The following ZFAND6 variants were observed in gnomAD, a reference collection of about 807,000 sequenced individuals.
The protein encoded by ZFAND6 is zinc finger AN1-type containing 6.
In ZFAND6, 12 loss-of-function variants were observed where a neutral mutation model predicts 24.5. The ratio of observed to expected loss-of-function variants is 0.49; its 90% CI spans 0.31 to 0.79. The LOEUF is 0.79. ZFAND6 is among the 30% of genes least tolerant of loss of function. The pLI is 0.04. For missense variants in ZFAND6, 207 were observed against 245.9 expected, an observed-to-expected ratio of 0.84 and a Z score of 1.06; for synonymous variants, 92 against 81.5, an observed-to-expected ratio of 1.13 and a Z score of -0.69.
chr15:80,113,706 A>G (rs879786215), intron 2 of ZFAND6, among the ~76,000 whole-genome samples: 1 of 152,136 alleles, frequency 6.6e-6, no homozygotes, highest in African/African-American at 2.4e-5. Context: ...TGTTTACTCA[A>G]CAAAATATTT....
At chr15:80,125,629 A>C (rs1324975433) in intron 5 of ZFAND6, among the ~76,000 whole-genome samples, 1 of 152,240 alleles carries the variant, frequency 6.6e-6, no homozygotes, top group Admixed American at 6.5e-5. Flanking sequence ...CCTTACTTAC[A>C]TAGTGTCACT....
chr15:80,103,997 C>T (rs1198040243), intron 2 of ZFAND6, among the ~76,000 whole-genome samples: 5 of 152,118 alleles, frequency 3.3e-5, no homozygotes, highest in African/African-American at 7.2e-5. Flanking sequence ...CACAGCTGTG[C>T]ACCACCACAC....
chr15:80,117,878 A>T (rs1023671712), intron 2 of ZFAND6, among the ~76,000 whole-genome samples: 2 of 152,066 alleles, frequency 1.3e-5, no homozygotes, highest in African/African-American at 4.8e-5. Context: ...GCATTTGTCC[A>T]TATGGTGAAA....
At chr15:80,094,773 T>C (rs940434900) in intron 1 of ZFAND6, among the ~76,000 whole-genome samples, 13 of 152,058 alleles carry the variant, frequency 8.5e-5, no homozygotes, top group African/African-American at 2.7e-4. Flanking sequence ...TTACTAGTTT[T>C]CCCATTAATG....
Position 80,102,199 on chromosome 15 carries a change from G to A in ZFAND6, c.-18+3621G>A, listed in dbSNP as rs146628090. On this transcript the variant is annotated intron_variant, in intron 2 of 6. Coordinates refer to ENST00000261749, the MANE Select transcript of ZFAND6 (RefSeq NM_019006.4). ...AGTTTCACTCTTGTTGCCGAGGCTG[G>A]AGTGCAGTGGCATGATTCTCCTGCC... is the stretch of plus-strand genomic sequence containing the variant. 2.6e-3 allele frequency among the ~76,000 whole-genome samples: 394 copies of A among 151,888 alleles called. 3 individuals are homozygous for A. The highest frequency in any genetic ancestry group is 8.9e-3 in the African/African-American group (367 of 41,450).
chr15:80,115,670 G>A (rs1313194116), intron 2 of ZFAND6, among the ~76,000 whole-genome samples: 1 of 151,700 alleles, frequency 6.6e-6, no homozygotes, highest in Non-Finnish European at 1.5e-5. Context: ...ATGGCCTAAC[G>A]ATTAATAAAT....
At chr15:80,121,537 A>G (rs2040145487) in intron 3 of ZFAND6, among the ~76,000 whole-genome samples, 175 bp from the exon 4 acceptor site, 1 of 152,188 alleles carries the variant, frequency 6.6e-6, no homozygotes, top group Non-Finnish European at 1.5e-5. Flanking sequence ...AAATTAACAT[A>G]TTTTTCACTG....
intron 1 of ZFAND6, among the ~76,000 whole-genome samples, chr15:80,092,190 GA>G (rs893045827): frequency 7.4e-5 from 11 of 148,774 alleles, no homozygotes; most frequent in East Asian, 2.0e-4. Flanking sequence ...TGGTGGTTGG[GA>G]AAAAAAAAAT....
chr15:80,128,452 G>T (rs1407177993), intron 5 of ZFAND6, among the ~76,000 whole-genome samples: 1 of 152,180 alleles, frequency 6.6e-6, no homozygotes, highest in Non-Finnish European at 1.5e-5. Context: ...GAAGTGATCA[G>T]TTCAGGCAGT....
At chr15:80,117,057 CT>C (rs2039908446) in intron 2 of ZFAND6, among the ~76,000 whole-genome samples, 1 of 152,180 alleles carries the variant, frequency 6.6e-6, no homozygotes, top group East Asian at 1.9e-4. Flanking sequence ...ATAGTAGCAA[CT>C]AATCACATTT....
intron 1 of ZFAND6, among the ~76,000 whole-genome samples, chr15:80,064,745 A>G (rs1157329786): frequency 6.6e-6 from 1 of 152,052 alleles, no homozygotes; most frequent in Non-Finnish European, 1.5e-5. Context: ...GGCTGAAGTG[A>G]TTATCCCGCC....
intron 2 of ZFAND6, among the ~76,000 whole-genome samples, chr15:80,103,208 G>A (rs527256832): frequency 1.3e-5 from 2 of 152,318 alleles, no homozygotes; most frequent in East Asian, 1.9e-4. Context: ...ACAAAGGAAC[G>A]TGTGTGAGAA....
intron 2 of ZFAND6, among the ~76,000 whole-genome samples, chr15:80,116,756 T>A (rs1463092036): frequency 6.6e-6 from 1 of 152,188 alleles, no homozygotes; most frequent in Non-Finnish European, 1.5e-5. Context: ...TAAACTTTCT[T>A]AAAGCATTAT....
chr15:80,062,618 A>AT (rs1195906208), intron 1 of ZFAND6, among the ~76,000 whole-genome samples: 1 of 152,056 alleles, frequency 6.6e-6, no homozygotes, highest in Non-Finnish European at 1.5e-5. Context: ...AGATGGTTTC[A>AT]TTTTTTCTAT....
chr15:80,088,229 C>T (rs1352217010), intron 1 of ZFAND6, among the ~76,000 whole-genome samples: 1 of 152,006 alleles, frequency 6.6e-6, no homozygotes, highest in East Asian at 1.9e-4. Flanking sequence ...TTGATCCTAA[C>T]CCTCTACCAT....
chr15:80,104,029 T>C (rs1433344917), intron 2 of ZFAND6, among the ~76,000 whole-genome samples: 1 of 152,118 alleles, frequency 6.6e-6, no homozygotes, highest in Non-Finnish European at 1.5e-5. Flanking sequence ...TCTTATTCTT[T>C]GTAGAGACGG....
intron 5 of ZFAND6, chr15:80,129,614 C>G (rs942547974): frequency 6.6e-5 from 10 of 152,180 alleles, no homozygotes; most frequent in African/African-American, 2.4e-5. Context: ...CGAATGTCTG[C>G]TATGTGGTTG....
intron 4 of ZFAND6, 90 bp downstream of exon 4, chr15:80,121,910 G>A: frequency 9.1e-7 from 1 of 1,097,826 alleles, no homozygotes; most frequent in Non-Finnish European, 1.3e-6. Flanking sequence ...ACTACGTAAA[G>A]CTACTTTTAG....
At chr15:80,132,030 G>C (rs2040628031) in intron 6 of ZFAND6, among the ~76,000 whole-genome samples, 1 of 152,198 alleles carries the variant, frequency 6.6e-6, no homozygotes, top group African/African-American at 2.4e-5. Context: ...GGCATGTGCA[G>C]GGACCATGAA....
Sources: allele counts gnomAD v4.1 joint callset (sites outside exome capture counted in the v4.1 genomes callset), GRCh38; gene constraint gnomAD v4.1.1; transcripts MANE v1.5; gene names NCBI Gene and HGNC (gene_info 2026-07-23, HGNC 2026-07-21).